Variants in TENM2 observed in about 807,000 individuals in gnomAD.
TENM2 encodes teneurin transmembrane protein 2, also known as teneurin-2.
In TENM2, 52 loss-of-function variants were observed where a neutral mutation model predicts 245.2. That is an observed-to-expected ratio of 0.21 (90% confidence interval 0.17 to 0.27). The LOEUF (loss-of-function observed/expected upper bound fraction) is 0.27, where lower values mean the gene tolerates loss of function less well. Ranked by LOEUF, TENM2 falls within the 10% of genes least tolerant of loss-of-function variation. The pLI is 1.00. For missense variants in TENM2, 3,046 were observed against 3,666.8 expected (o/e 0.83, Z 4.37); for synonymous variants, 1,363 against 1,438.9 (o/e 0.95, Z 1.19).
At chr5:167,784,925 A>G (rs771586212) in intron 2 of TENM2, among the ~76,000 whole-genome samples, 1 of 152,202 alleles carries the variant, frequency 6.6e-6, no homozygotes, top group East Asian at 1.9e-4. Context: ...TTCAACTCCA[A>G]ATGATTTCAA....
At chr5:167,151,751 T>C in the TENM2 span, among the ~76,000 whole-genome samples, 1 of 152,192 alleles carries the variant, frequency 6.6e-6, no homozygotes, top group Admixed American at 6.5e-5. Flanking sequence ...TCTCTTGACC[T>C]TGTGATCCAC....
At chr5:167,163,708 A>G in the TENM2 span, among the ~76,000 whole-genome samples, 18 of 152,266 alleles carry the variant, frequency 1.2e-4, no homozygotes, top group Non-Finnish European at 2.2e-4. Context: ...TGACTACAAC[A>G]TTACAGGGAA....
intron 5 of TENM2, among the ~76,000 whole-genome samples, chr5:168,039,815 C>T (rs1788026210): frequency 6.6e-6 from 1 of 151,920 alleles, no homozygotes. Context: ...TAGAGGTCAC[C>T]TCGGCACACC....
At chr5:167,369,322 C>T (rs897092660) in intron 1 of TENM2, among the ~76,000 whole-genome samples, 25 of 152,256 alleles carry the variant, frequency 1.6e-4, no homozygotes, top group African/African-American at 5.5e-4. Context: ...AAATCTTGGT[C>T]CAGAACCAGA....
chr5:167,356,216 A>AAAAAAAAAAG (rs1412322682), intron 1 of TENM2, among the ~76,000 whole-genome samples: 6 of 134,400 alleles, frequency 4.5e-5, no homozygotes, highest in African/African-American at 1.6e-4. Flanking sequence ...AAAAAAAAAA[A>AAAAAAAAAAG]AAAAATTAAA....
chr5:168,153,708 G>A (rs1031848534), intron 12 of TENM2, among the ~76,000 whole-genome samples: 11 of 152,208 alleles, frequency 7.2e-5, no homozygotes, highest in African/African-American at 2.7e-4. Flanking sequence ...CAGGCGTCTG[G>A]ATCCCGGGGG....
intron 3 of TENM2, among the ~76,000 whole-genome samples, chr5:167,930,453 TTTTATTTATTTATTTA>T (rs142148292): frequency 5.0e-4 from 74 of 148,110 alleles, no homozygotes; most frequent in Non-Finnish European, 1.8e-4. Context: ...TTTCTTAGAA[TTTTATTTATTTATTTA>T]TTTATTTATT....
intron 1 of TENM2, among the ~76,000 whole-genome samples, chr5:167,326,783 T>A (rs193250000): frequency 8.6e-5 from 13 of 150,456 alleles, no homozygotes; most frequent in Admixed American, 4.0e-4. Context: ...ACCCCAAAGT[T>A]ACACTCAGTC....
At chr5:167,246,584 G>T in the TENM2 span, among the ~76,000 whole-genome samples, 3 of 152,012 alleles carry the variant, frequency 2.0e-5, no homozygotes, top group African/African-American at 7.2e-5. Flanking sequence ...AAATTTAGAA[G>T]ATGTGATGAC....
At position 167,784,393 on chromosome 5, in the gene TENM2, G is replaced by T. The variant is rs565824326; in HGVS notation, c.503-91593G>T. Among the ~76,000 whole-genome samples the T allele has an allele frequency of 5.9e-5, 9 of 152,310 alleles. No individual in the cohort carries two copies. The South Asian group carries it at 1.9e-3, about 32-fold the overall frequency. On this transcript the variant is annotated intron_variant, in intron 2 of 28. Transcript: ENST00000518659. ...TAGTGAAAGCTCAATGCTTGCTGCT[G>T]CTTCTCCTCTTCCTCCTCTTCTGTG...
At chr5:168,080,920 G>A (rs1027700893) in intron 7 of TENM2, among the ~76,000 whole-genome samples, 3 of 152,190 alleles carry the variant, frequency 2.0e-5, no homozygotes, top group African/African-American at 7.2e-5. Context: ...GATTTGGGAT[G>A]GAGAGTTCTG....
chr5:167,871,192 A>G (rs73370989), intron 2 of TENM2, among the ~76,000 whole-genome samples: 2,860 of 152,256 alleles, frequency 0.019, 72 homozygotes, highest in African/African-American at 0.065. Context: ...GTTTTCAGGT[A>G]TGACTGAAAT....
chr5:167,681,135 A>G (rs756429970), intron 2 of TENM2, among the ~76,000 whole-genome samples: 3 of 152,226 alleles, frequency 2.0e-5, no homozygotes, highest in Non-Finnish European at 4.4e-5. Context: ...AATTGTTTTA[A>G]TATGCTCCCT....
At chr5:167,796,712 C>A (rs149485380) in intron 2 of TENM2, among the ~76,000 whole-genome samples, 2 of 152,140 alleles carry the variant, frequency 1.3e-5, no homozygotes, top group African/African-American at 4.8e-5. Flanking sequence ...GATGCCATAT[C>A]TTCTTCGTAG....
Position 167,285,171 on chromosome 5 carries a change from A to AC in TENM2, c.226+111dup, listed in dbSNP as rs1224805165. ...CAGCATGGTGGTTTTTGACAGATGTACCCTACAGCAGACCCTTGGTTCCAT... is the reference window on the plus strand; with the variant it reads ...CAGCATGGTGGTTTTTGACAGATGTACCCCTACAGCAGACCCTTGGTTCCAT... On this transcript the variant is annotated intron_variant, in intron 1 of 28. Coordinates refer to ENST00000518659, the Ensembl canonical transcript of TENM2. 1.3e-5 allele frequency: 10 copies of AC among 777,538 alleles called. No homozygotes were observed. In the East Asian group the frequency reaches 2.7e-4, roughly 21 times the overall value. 48.2% of individuals were successfully genotyped at this position (777,538 alleles called of 1,614,324 possible).
At chr5:167,923,027 A>G (rs909722645) in intron 3 of TENM2, among the ~76,000 whole-genome samples, 1 of 152,192 alleles carries the variant, frequency 6.6e-6, no homozygotes, top group African/African-American at 2.4e-5. Context: ...CTTATACTCT[A>G]ATCGAGGCCA....
chr5:167,938,356 A>G (rs1424928531), intron 3 of TENM2, among the ~76,000 whole-genome samples: 1 of 152,194 alleles, frequency 6.6e-6, no homozygotes. Flanking sequence ...TGTAGAGTTT[A>G]ACAATATGCC....
At position 167,691,672 on chromosome 5, in the gene TENM2, G is replaced by C. The variant is rs76087614; in HGVS notation, c.503-184314G>C. ...ATTTTAGAAAGAGTAGGGTCATTGC[G>C]CTCAAACAGAACTTGGTTCAAATCC... On this transcript the variant is annotated intron_variant, in intron 2 of 28. Transcript: ENST00000518659. Among the ~76,000 whole-genome samples the C allele has an allele frequency of 9.9e-5, 15 of 152,196 alleles. No individual in the cohort carries two copies. In the East Asian group the frequency reaches 2.3e-3, roughly 24 times the overall value.
rs1378616514 is a variant in TENM2, at chr5:168,247,576, A to C, written c.6637A>C (p.Ser2213Arg). ...CTACGATGGGGACGGGCAGCTCCAG[A>C]GCGTGGCCGTCAATGACCGCCCGAC... is the stretch of plus-strand genomic sequence containing the variant. The change falls in exon 27 of 29, where the codon AGC (serine) becomes CGC (arginine). Residue 2213 changes from serine to arginine, a missense_variant. Physicochemically the swap from Ser to Arg is moderately radical, Grantham distance 110 (BLOSUM62 -1). Around this residue, in one of 2 missense-constraint regions of TENM2, gnomAD observed 2,704 missense variants for 3,331.9 expected, o/e 0.81. Coordinates refer to ENST00000518659, the Ensembl canonical transcript of TENM2. The surrounding 1 kb of genome is among the most constrained non-coding windows in gnomAD (Gnocchi z 7.8). 5.0e-6 allele frequency: 8 copies of C among 1,613,026 alleles called. No homozygotes were observed. The highest frequency in any genetic ancestry group is 8.5e-7 in the Non-Finnish European group (1 of 1,179,068).
Sources: allele counts gnomAD v4.1 joint callset (sites outside exome capture counted in the v4.1 genomes callset), GRCh38; gene constraint gnomAD v4.1.1; regional missense constraint gnomAD v4.1.1; non-coding constraint Gnocchi (gnomAD v3.1); transcripts MANE v1.5; gene names NCBI Gene and HGNC (gene_info 2026-07-23, HGNC 2026-07-21).